Variants in TANGO6 observed in about 807,000 individuals in gnomAD.
The protein encoded by TANGO6 is transport and Golgi organization protein 6 homolog.
TANGO6 carries 90 observed loss-of-function variants against 114.2 expected under a neutral mutation model. That is an observed-to-expected ratio of 0.79 (90% CI 0.66 to 0.94). The LOEUF is 0.94. Among genes scored for constraint, TANGO6 ranks in the 40% least tolerant of loss-of-function variants. The pLI, the probability that TANGO6 is intolerant of heterozygous loss-of-function variation, is 0.00. For missense variants in TANGO6, 1,274 were observed against 1,315.3 expected (o/e 0.97, Z 0.49); for synonymous variants, 477 against 509.8 (o/e 0.94, Z 0.87).
At chr16:69,033,183 C>G (rs948728220) in intron 16 of TANGO6, among the ~76,000 whole-genome samples, 9 of 152,136 alleles carry the variant, frequency 5.9e-5, no homozygotes, top group Non-Finnish European at 8.8e-5. Flanking sequence ...GAGACTCTGT[C>G]TCAAAAATAA....
chr16:68,959,480 A>G (rs1963567754), intron 14 of TANGO6, among the ~76,000 whole-genome samples: 1 of 152,056 alleles, frequency 6.6e-6, no homozygotes, highest in African/African-American at 2.4e-5. Flanking sequence ...CCAGCTACTC[A>G]GGAGGCTGAG....
intron 17 of TANGO6, among the ~76,000 whole-genome samples, chr16:69,078,232 C>T (rs954353071): frequency 2.0e-5 from 3 of 152,198 alleles, no homozygotes; most frequent in Non-Finnish European, 4.4e-5. Flanking sequence ...GAGGGAGGCC[C>T]GCTGTGGGGA....
chr16:68,927,380 T>G (rs1219762922), intron 12 of TANGO6, among the ~76,000 whole-genome samples, 188 bp from the exon 13 acceptor site: 1 of 152,194 alleles, frequency 6.6e-6, no homozygotes, highest in African/African-American at 2.4e-5. Context: ...ATGATAAGTG[T>G]TCAATAAATG....
chr16:68,963,328 C>G (rs980881560), intron 14 of TANGO6, among the ~76,000 whole-genome samples: 7 of 152,090 alleles, frequency 4.6e-5, no homozygotes, highest in African/African-American at 1.7e-4. Context: ...ATTAGCCAGG[C>G]TGGTCTTGAA....
intron 7 of TANGO6, among the ~76,000 whole-genome samples, chr16:68,882,331 C>T (rs1055498974): frequency 1.3e-4 from 20 of 151,700 alleles, no homozygotes; most frequent in Non-Finnish European, 2.9e-5. Context: ...CCCGTCTCTA[C>T]TAAAAATATA....
intron 15 of TANGO6, among the ~76,000 whole-genome samples, chr16:68,988,096 T>C (rs912070171): frequency 6.6e-5 from 10 of 152,184 alleles, no homozygotes; most frequent in African/African-American, 2.4e-4. Context: ...AGTTATCTGG[T>C]CTCCTCCAGA....
chr16:69,082,428 C>T (rs1428389977), intron 17 of TANGO6, among the ~76,000 whole-genome samples: 1 of 151,886 alleles, frequency 6.6e-6, no homozygotes, highest in Non-Finnish European at 1.5e-5. Context: ...AAAGTAGGGG[C>T]AAGGAAAGGT....
chr16:69,028,781 G>A (rs1959546484), intron 16 of TANGO6, among the ~76,000 whole-genome samples: 1 of 149,006 alleles, frequency 6.7e-6, no homozygotes, highest in Admixed American at 6.7e-5. Context: ...TCGAACTCCT[G>A]GGCTGAAGTG....
At chr16:68,981,282 C>A (rs1400801950) in intron 15 of TANGO6, among the ~76,000 whole-genome samples, 1 of 138,394 alleles carries the variant, frequency 7.2e-6, no homozygotes, top group Non-Finnish European at 1.5e-5. Context: ...GTGGTCTCAG[C>A]TCATTGCAAC....
In TANGO6 at chr16:69,033,287, G is replaced by A. The variant is rs529347545; in HGVS notation, c.2995-7021G>A. Among the ~76,000 whole-genome samples the A allele has an allele frequency of 2.0e-5, 3 of 152,322 alleles. No homozygotes were observed. In the South Asian group the frequency reaches 6.2e-4, roughly 32 times the overall value. ...GAAGTCTCAGAATTGCTTAGTTCCA[G>A]GGTGTGCTGGTGGAGAAGGAACTTG... On this transcript the variant is annotated intron_variant, in intron 16 of 17. Transcript: ENST00000261778.
At chr16:68,923,431 G>A (rs1963123852) in intron 12 of TANGO6, among the ~76,000 whole-genome samples, 1 of 152,144 alleles carries the variant, frequency 6.6e-6, no homozygotes, top group Non-Finnish European at 1.5e-5. Context: ...TTGCAGAATG[G>A]AGGAAGGGGA....
chr16:68,975,795 A>C (rs1963760145), intron 15 of TANGO6, among the ~76,000 whole-genome samples: 1 of 151,830 alleles, frequency 6.6e-6, no homozygotes, highest in South Asian at 2.1e-4. Flanking sequence ...GGGCTCAAGC[A>C]ATCCTCCTGT....
At chr16:68,992,066 T>C (rs182029694) in intron 15 of TANGO6, among the ~76,000 whole-genome samples, 136 of 152,254 alleles carry the variant, frequency 8.9e-4, no homozygotes, top group African/African-American at 3.2e-3. Context: ...CACAGAACTA[T>C]TGAGAGGCTC....
intron 4 of TANGO6, among the ~76,000 whole-genome samples, chr16:68,874,508 A>T (rs1962326295): frequency 6.6e-6 from 1 of 152,192 alleles, no homozygotes; most frequent in South Asian, 2.1e-4. Context: ...CTGTGGCTTA[A>T]GACAGTTTAA....
chr16:68,845,522 T>C (rs955163610), intron 1 of TANGO6, among the ~76,000 whole-genome samples: 6 of 152,198 alleles, frequency 3.9e-5, no homozygotes, highest in African/African-American at 1.4e-4. Flanking sequence ...ATCTGTCTAC[T>C]ATTTTATCAT....
At chr16:68,913,966 G>A (rs1019758502) in intron 11 of TANGO6, among the ~76,000 whole-genome samples, 1 of 152,042 alleles carries the variant, frequency 6.6e-6, no homozygotes, top group African/African-American at 2.4e-5. Context: ...CTCTGAACTG[G>A]GTGGGAGAGG....
intron 12 of TANGO6, chr16:68,926,778 G>C (rs1963172844): frequency 6.6e-6 from 1 of 152,036 alleles, no homozygotes; most frequent in African/African-American, 2.4e-5. Flanking sequence ...CAAATTTTCA[G>C]GGTCTCCTGA....
chr16:68,909,122 C>G (rs180934710), intron 10 of TANGO6, 89 bp from the exon 11 acceptor site: 1 of 1,053,002 alleles, frequency 9.5e-7, no homozygotes, highest in African/African-American at 1.6e-5. Context: ...TTTAAACATG[C>G]AGTTCAAACA....
chr16:69,044,299 A>G (rs1959816380), intron 17 of TANGO6, among the ~76,000 whole-genome samples: 1 of 152,150 alleles, frequency 6.6e-6, no homozygotes, highest in Non-Finnish European at 1.5e-5. Context: ...TCGTGACCTC[A>G]ACTGAGCCAC....
Sources: allele counts gnomAD v4.1 joint callset (sites outside exome capture counted in the v4.1 genomes callset), GRCh38; gene constraint gnomAD v4.1.1; transcripts MANE v1.5; gene names NCBI Gene and HGNC (gene_info 2026-07-23, HGNC 2026-07-21).